LMO7: variants seen among roughly 807,000 people sequenced by gnomAD.
LMO7 encodes LIM domain only protein 7.
LMO7 carries 120 observed loss-of-function variants against 206.5 expected under a neutral mutation model. That is an observed-to-expected ratio of 0.58 (90% CI 0.50 to 0.68). LMO7 has a LOEUF of 0.68. LMO7 is among the 30% of genes least tolerant of loss of function. LMO7 has a pLI of 0.00. For missense variants in LMO7, 1,959 were observed against 1,957.9 expected (o/e 1.00, Z -0.01); for synonymous variants, 706 against 681.5 (o/e 1.04, Z -0.56).
At chr13:75,742,969 A>C (rs886583057) in intron 3 of LMO7, among the ~76,000 whole-genome samples, 1 of 152,230 alleles carries the variant, frequency 6.6e-6, no homozygotes, top group African/African-American at 2.4e-5. Flanking sequence ...TTTGCAAACT[A>C]TGCATCTGAC....
intron 9 of LMO7, 66 bp downstream of exon 9, chr13:75,805,826 G>A: frequency 1.4e-6 from 2 of 1,478,452 alleles, no homozygotes; most frequent in Middle Eastern, 1.9e-4. Flanking sequence ...GGTTCTATGT[G>A]CATGTTTTTT....
intron 1 of LMO7, among the ~76,000 whole-genome samples, chr13:75,690,648 G>C (rs568494739): frequency 6.6e-6 from 1 of 152,306 alleles, no homozygotes; most frequent in South Asian, 2.1e-4. Context: ...ACTGTAGTAA[G>C]AACTCCCCTT....
intron 13 of LMO7, among the ~76,000 whole-genome samples, chr13:75,820,299 T>C (rs1433251122): frequency 6.6e-6 from 1 of 152,232 alleles, no homozygotes; most frequent in Non-Finnish European, 1.5e-5. Flanking sequence ...TTTCTATAAA[T>C]ATGAATGGTG....
chr13:75,658,419 G>A (rs992121437), intron 1 of LMO7, among the ~76,000 whole-genome samples: 8 of 151,718 alleles, frequency 5.3e-5, no homozygotes, highest in African/African-American at 1.7e-4. Flanking sequence ...CAATGTTTTA[G>A]CCCATCTGTG....
At chr13:75,633,480 A>G (rs2035269445), upstream of LMO7, among the ~76,000 whole-genome samples, 1 of 152,236 alleles carries the variant, frequency 6.6e-6, no homozygotes, top group South Asian at 2.1e-4. Context: ...ATAGGTTCCA[A>G]TCTAGCTTTT....
chr13:75,640,346 A>G (rs2036415425), intron 1 of LMO7, among the ~76,000 whole-genome samples: 1 of 152,178 alleles, frequency 6.6e-6, no homozygotes, highest in Admixed American at 6.5e-5. Context: ...TGCTGATGGT[A>G]GAGCAACAAA....
chr13:75,836,539 C>A, intron 19 of LMO7, 82 bp downstream of exon 19: 1 of 742,714 alleles, frequency 1.3e-6, no homozygotes, highest in Non-Finnish European at 2.2e-6. Context: ...AAATTAATAT[C>A]TGTGAGTGAA....
intron 3 of LMO7, among the ~76,000 whole-genome samples, chr13:75,742,073 C>T (rs139960573): frequency 4.6e-5 from 7 of 152,258 alleles, no homozygotes; most frequent in East Asian, 1.9e-4. Context: ...CATTCCTATA[C>T]GTTAACTACA....
At chr13:75,654,856 C>T (rs78266166) in intron 1 of LMO7, among the ~76,000 whole-genome samples, 3,197 of 147,392 alleles carry the variant, frequency 0.022, 56 homozygotes, top group Non-Finnish European at 0.034. Context: ...AATACAACTA[C>T]TTTTTCTTTT....
intron 3 of LMO7, among the ~76,000 whole-genome samples, chr13:75,745,436 G>T (rs2046762361): frequency 6.6e-6 from 1 of 152,062 alleles, no homozygotes. Context: ...AAACTGTTAA[G>T]AATAATACAA....
Position 75,760,624 on chromosome 13 carries a change from T to G in LMO7, c.211-308T>G, listed in dbSNP as rs891460638. The stretch of plus-strand genomic sequence containing the variant: ...TTGCAGAGCAGAGCTGACATCAAAG[T>G]GTAGATTACTGCTCAGTGGCTAGGC... On this transcript the variant is annotated intron_variant, in intron 3 of 30. Coordinates refer to ENST00000377534, the MANE Select transcript of LMO7 (RefSeq NM_001306080.2). 33 of 1,438,364 alleles carry G rather than the reference T, an allele frequency of 2.3e-5. No individual in the cohort carries two copies. In the East Asian group the frequency reaches 7.5e-4, roughly 33 times the overall value. The allele number at this position is 1,438,364 out of a possible 1,614,324, so 89.1% of individuals were successfully genotyped here. A position where few individuals can be genotyped will look rare whatever the true frequency, so the allele number is the denominator to read the frequency against.
At chr13:75,714,490 T>C (rs879745369) in intron 2 of LMO7, among the ~76,000 whole-genome samples, 4 of 152,192 alleles carry the variant, frequency 2.6e-5, no homozygotes, top group Non-Finnish European at 4.4e-5. Context: ...TTAATTTTGT[T>C]CCATATGAAG....
chr13:75,688,398 C>T (rs1237208785), intron 1 of LMO7, among the ~76,000 whole-genome samples: 3 of 152,176 alleles, frequency 2.0e-5, no homozygotes, highest in African/African-American at 7.2e-5. Flanking sequence ...GGATAAACTC[C>T]TTAGAAAAAG....
intron 1 of LMO7, among the ~76,000 whole-genome samples, chr13:75,644,722 G>T (rs1288614356): frequency 6.6e-6 from 1 of 152,118 alleles, no homozygotes; most frequent in Non-Finnish European, 1.5e-5. Context: ...TTGAACTCCC[G>T]TGCTCAAGCT....
intron 30 of LMO7, 141 bp from the exon 31 acceptor site, chr13:75,857,779 CT>C (rs2061086301): frequency 2.1e-6 from 1 of 466,820 alleles, no homozygotes; most frequent in Non-Finnish European, 3.8e-6. Flanking sequence ...ACTTGCCTAG[CT>C]TTATCCTAAG....
chr13:75,733,183 A>T (rs1325623882), intron 3 of LMO7, among the ~76,000 whole-genome samples: 2 of 152,226 alleles, frequency 1.3e-5, no homozygotes, highest in African/African-American at 4.8e-5. Context: ...TTAAGTTTGC[A>T]GAGGTTACTG....
chr13:75,812,943 T>G lies in LMO7; in HGVS notation c.1946+3760T>G, dbSNP rs552675353. 5.3e-4 allele frequency among the ~76,000 whole-genome samples: 81 copies of G among 152,346 alleles called. 1 individual carries two copies. Among genetic ancestry groups the G allele is most frequent in the African/African-American group, 1.8e-3 (73 of 41,582 alleles). ...ATCCTTCATAGTTTTCCCAAACAATTTTCCTGATGCTATCTTTGGTACTTA... is the reference window on the plus strand; with the variant it reads ...ATCCTTCATAGTTTTCCCAAACAATGTTCCTGATGCTATCTTTGGTACTTA... On this transcript the variant is annotated intron_variant, in intron 11 of 30. Transcript: ENST00000377534.
chr13:75,629,006 G>A (rs528237501), intron 2 of LMO7, among the ~76,000 whole-genome samples: 22 of 152,356 alleles, frequency 1.4e-4, no homozygotes, highest in Non-Finnish European at 2.6e-4. Context: ...CCCAGGGGAC[G>A]TCTGGCGGTG....
chr13:75,776,971 A>T (rs998374827), intron 4 of LMO7, among the ~76,000 whole-genome samples: 1 of 152,222 alleles, frequency 6.6e-6, no homozygotes, highest in Non-Finnish European at 1.5e-5. Flanking sequence ...ACATAATCTC[A>T]TTCAGGGCAG....
Sources: allele counts gnomAD v4.1 joint callset (sites outside exome capture counted in the v4.1 genomes callset), GRCh38; gene constraint gnomAD v4.1.1; transcripts MANE v1.5; gene names NCBI Gene and HGNC (gene_info 2026-07-23, HGNC 2026-07-21).